Variants in ARHGAP25 observed in about 807,000 individuals in gnomAD.
The protein encoded by ARHGAP25 is rho GTPase-activating protein 25.
In ARHGAP25, 34 loss-of-function variants were observed where a neutral mutation model predicts 71.0. The ratio of observed to expected loss-of-function variants is 0.48; its 90% CI spans 0.36 to 0.64. The LOEUF is 0.64. Ranked by LOEUF, ARHGAP25 falls within the 30% of genes least tolerant of loss-of-function variation. ARHGAP25 has a pLI of 0.00. For synonymous variants in ARHGAP25, 282 were observed against 296.5 expected (o/e 0.95, Z 0.50); for missense variants, 706 against 805.1 (o/e 0.88, Z 1.49).
At chr2:68,722,727 G>A (rs186124964) in intron 2 of ARHGAP25, among the ~76,000 whole-genome samples, 3 of 152,248 alleles carry the variant, frequency 2.0e-5, no homozygotes, top group East Asian at 1.9e-4. Context: ...ACTCTGGCTC[G>A]AGGGCCCATG....
At chr2:68,714,190 ACTT>A (rs1372638830) in intron 2 of ARHGAP25, among the ~76,000 whole-genome samples, 19 of 152,152 alleles carry the variant, frequency 1.2e-4, no homozygotes, top group Non-Finnish European at 1.9e-4. Context: ...CAGGGATTTG[ACTT>A]CTTCCTGGTT....
At chr2:68,715,573 G>C (rs75509570) in intron 2 of ARHGAP25, among the ~76,000 whole-genome samples, 1 of 152,036 alleles carries the variant, frequency 6.6e-6, no homozygotes, top group African/African-American at 2.4e-5. Context: ...GCATTGCACC[G>C]GGTGCTTTCC....
At chr2:68,799,136 G>A (rs1457558603) in intron 4 of ARHGAP25, among the ~76,000 whole-genome samples, 1 of 152,170 alleles carries the variant, frequency 6.6e-6, no homozygotes, top group African/African-American at 2.4e-5. Context: ...TTTGCACAAT[G>A]TTTTGGAGGC....
At position 68,826,047 on chromosome 2, in the gene ARHGAP25, G is replaced by T; in HGVS notation, c.1794G>T (p.Glu598Asp). Reference protein sequence around the residue: ...AKVVRLNEELEKEKKKSAALE... With the variant: ...AKVVRLNEELDKEKKKSAALE... ...TGGTGAGGCTCAATGAAGAACTGGA[G>T]AAGGAAAAGAAGAAGTCTGCAGCCC... The change falls in exon 11 of 11, where the codon GAG (glutamate) becomes GAT (aspartate). Residue 598 changes from glutamate to aspartate, a missense_variant. Physicochemically the swap from Glu to Asp is conservative, Grantham distance 45. Transcript: ENST00000409202. 6.2e-7 allele frequency: 1 copy of T among 1,614,082 alleles called. No homozygotes were observed. Among genetic ancestry groups the T allele is most frequent in the South Asian group, 1.1e-5 (1 of 91,082 alleles).
intron 2 of ARHGAP25, among the ~76,000 whole-genome samples, chr2:68,778,064 AATTT>A (rs1441288475): frequency 1.3e-5 from 2 of 152,134 alleles, no homozygotes; most frequent in Admixed American, 1.3e-4. Context: ...AATGTTCCAT[AATTT>A]ATTTAATTAA....
chr2:68,765,465 TATA>T (rs934169260), intron 1 of ARHGAP25, among the ~76,000 whole-genome samples: 1 of 151,018 alleles, frequency 6.6e-6, no homozygotes, highest in Non-Finnish European at 1.5e-5. Flanking sequence ...ACAGAGAAAA[TATA>T]ATGAACCCCC....
At chr2:68,747,008 CAA>C (rs70954322) in intron 1 of ARHGAP25, among the ~76,000 whole-genome samples, 2,496 of 84,028 alleles carry the variant, frequency 0.03, 33 homozygotes, top group Non-Finnish European at 0.043. Context: ...AACTCCATCT[CAA>C]AAAAAAAAAA....
chr2:68,766,933 C>T (rs1051584648), intron 1 of ARHGAP25, among the ~76,000 whole-genome samples: 1 of 152,190 alleles, frequency 6.6e-6, no homozygotes, highest in Non-Finnish European at 1.5e-5. Flanking sequence ...AAAGCAGATT[C>T]TTTTCCTTTA....
chr2:68,731,218 C>T (rs1008559130), upstream of ARHGAP25, among the ~76,000 whole-genome samples: 1 of 152,064 alleles, frequency 6.6e-6, no homozygotes, highest in African/African-American at 2.4e-5. Context: ...AAACTAAGCC[C>T]ACCGTTTTCT....
At chr2:68,717,191 CATCTAAACAT>C (rs1283878820) in intron 2 of ARHGAP25, among the ~76,000 whole-genome samples, 3 of 152,156 alleles carry the variant, frequency 2.0e-5, no homozygotes, top group Admixed American at 6.5e-5. Flanking sequence ...AGTATTTGTG[CATCTAAACAT>C]ATCTAAACAT....
At chr2:68,750,396 C>T (rs190047313) in intron 1 of ARHGAP25, among the ~76,000 whole-genome samples, 20 of 151,390 alleles carry the variant, frequency 1.3e-4, no homozygotes, top group Non-Finnish European at 2.5e-4. Context: ...GATCTTGGCT[C>T]ACTGCAACCT....
intron 2 of ARHGAP25, among the ~76,000 whole-genome samples, chr2:68,727,650 G>A (rs7598868): frequency 0.52 from 79,343 of 152,094 alleles, 21,567 homozygotes; most frequent in East Asian, 0.69. Context: ...CCCAAACTAT[G>A]TCAAGTTCAG....
intron 2 of ARHGAP25, among the ~76,000 whole-genome samples, chr2:68,714,690 T>C (rs999789445): frequency 3.3e-5 from 5 of 152,214 alleles, no homozygotes; most frequent in African/African-American, 4.8e-5. Context: ...TGTGTCTTTG[T>C]TCTCTTTGGT....
At chr2:68,759,652 C>T (rs1676684508) in intron 1 of ARHGAP25, among the ~76,000 whole-genome samples, 1 of 151,946 alleles carries the variant, frequency 6.6e-6, no homozygotes, top group Non-Finnish European at 1.5e-5. Flanking sequence ...TGTGTTCTAC[C>T]AAACGTCTAA....
intron 5 of ARHGAP25, among the ~76,000 whole-genome samples, chr2:68,809,457 A>T (rs749925547): frequency 1.3e-5 from 2 of 152,148 alleles, no homozygotes; most frequent in Non-Finnish European, 2.9e-5. Context: ...TGATTTCCTG[A>T]GAGTGATTCT....
At chr2:68,825,934 A>G in intron 10 of ARHGAP25, 53 bp from the exon 11 acceptor site, 1 of 1,486,644 alleles carries the variant, frequency 6.7e-7, no homozygotes, top group Non-Finnish European at 9.3e-7. Context: ...GGGGGAAGGA[A>G]GAGTCTAGAA....
chr2:68,798,785 C>G (rs542861340), intron 4 of ARHGAP25, among the ~76,000 whole-genome samples: 26 of 152,262 alleles, frequency 1.7e-4, no homozygotes, highest in African/African-American at 6.0e-4. Flanking sequence ...GTGTCTTAGT[C>G]ACAGGGAATA....
intron 7 of ARHGAP25, among the ~76,000 whole-genome samples, chr2:68,817,175 C>T (rs1681295142): frequency 1.3e-5 from 2 of 152,000 alleles, no homozygotes; most frequent in African/African-American, 2.4e-5. Flanking sequence ...TTATAAATAA[C>T]TTCATAATAT....
chr2:68,749,227 T>C (rs950239241), intron 1 of ARHGAP25, among the ~76,000 whole-genome samples: 6 of 152,158 alleles, frequency 3.9e-5, no homozygotes, highest in African/African-American at 1.4e-4. Context: ...TATTTTGTTG[T>C]GACCATCCTA....
Sources: allele counts gnomAD v4.1 joint callset (sites outside exome capture counted in the v4.1 genomes callset), GRCh38; gene constraint gnomAD v4.1.1; transcripts MANE v1.5; gene names NCBI Gene and HGNC (gene_info 2026-07-23, HGNC 2026-07-21).